MMP3: variants seen among roughly 807,000 people sequenced by gnomAD.
MMP3 encodes stromelysin-1.
Under a neutral mutation model 47.3 loss-of-function variants are expected in MMP3, and 46 were observed. The observed-to-expected ratio is 0.97, with a 90% CI of 0.77 to 1.24. MMP3 has a LOEUF of 1.24. Among genes scored for constraint, MMP3 ranks in the 50% most tolerant of loss-of-function variants. MMP3 has a pLI of 0.00. For synonymous variants in MMP3, 216 were observed against 206.5 expected (o/e 1.05, Z -0.39); for missense variants, 558 against 565.5 (o/e 0.99, Z 0.13).
At chr11:102,841,769 A>C (rs532167506) in intron 4 of MMP3, among the ~76,000 whole-genome samples, 20 of 152,066 alleles carry the variant, frequency 1.3e-4, no homozygotes, top group African/African-American at 4.8e-4. Flanking sequence ...TTCTGGTTTG[A>C]AGAGTAAAGA....
intron 6 of MMP3, 78 bp downstream of exon 6, chr11:102,840,030 T>C (rs1314835675): frequency 7.0e-7 from 1 of 1,429,362 alleles, no homozygotes; most frequent in Non-Finnish European, 9.5e-7. Flanking sequence ...TCTAAGAATC[T>C]CTATCAAGTT....
In MMP3 at chr11:102,842,446, A is replaced by G. The variant is rs1555005667; in HGVS notation, c.484T>C (p.Ser162Pro). 1.3e-6 allele frequency: 2 copies of G among 1,542,156 alleles called. No homozygotes were observed. Among genetic ancestry groups the G allele is most frequent in the Non-Finnish European group, 8.8e-7 (1 of 1,142,174 alleles). ...TTTTTTTTACCTCTAACTGCAAAAGAGATCATTATATCAGCCTCTCCTTCA... is the reference window on the plus strand; with the variant it reads ...TTTTTTTTACCTCTAACTGCAAAAGGGATCATTATATCAGCCTCTCCTTCA... ...LYEGEADIMI[S>P]FAVREHGDFY... The change falls in exon 3 of 10, where the codon TCT (serine) becomes CCT (proline). Residue 162 changes from serine to proline, a missense_variant. Ser to Pro is a moderately conservative substitution (Grantham distance 74). Coordinates refer to ENST00000299855, the MANE Select transcript of MMP3 (RefSeq NM_002422.5).
At chr11:102,843,382 G>T in intron 1 of MMP3, 60 bp downstream of exon 1, 2 of 1,184,468 alleles carry the variant, frequency 1.7e-6, no homozygotes, top group South Asian at 1.3e-5. Flanking sequence ...AAGACACACA[G>T]AATGGTTTCA....
chr11:102,837,441 G>A lies in MMP3; in HGVS notation c.1230-40C>T, dbSNP rs782361026. Reference sequence around the variant, plus strand: ...AGAAACAGCTCAGCATTGCATAGAGGCCATGTTACCGAACATCTTAGATCA... The same window carrying A: ...AGAAACAGCTCAGCATTGCATAGAGACCATGTTACCGAACATCTTAGATCA... On this transcript the variant is annotated intron_variant, in intron 8 of 9. Transcript: ENST00000299855. This position sits in a 1 kb window ranked among gnomAD's most constrained non-coding sequence, Gnocchi z 4.4. 7.0e-7 allele frequency: 1 copy of A among 1,422,980 alleles called. No homozygotes were observed. Among genetic ancestry groups the A allele is most frequent in the Non-Finnish European group, 9.9e-7 (1 of 1,013,480 alleles). 88.1% of individuals were successfully genotyped at this position (1,422,980 alleles called of 1,614,324 possible).
At chr11:102,840,781 A>T (rs1188097658) in intron 4 of MMP3, among the ~76,000 whole-genome samples, 188 bp from the exon 5 acceptor site, 1 of 152,142 alleles carries the variant, frequency 6.6e-6, no homozygotes, top group Non-Finnish European at 1.5e-5. Flanking sequence ...TTTAAAACTC[A>T]TACCTGTAAT....
Position 102,842,272 on chromosome 11 carries a change from T to TC in MMP3, c.506dup (p.Asp170ArgfsTer6). ...CAGGTCCATCAAAAGGGTAAAAGTC[T>TC]CCATGTTCTAGTAGGAAAAAAATTT... On this transcript the variant is annotated frameshift_variant, in exon 4 of 10. Transcript: ENST00000299855. LOFTEE classifies it high-confidence loss of function. 6.2e-7 allele frequency: 1 copy of TC among 1,601,140 alleles called. No homozygotes were observed. The highest frequency in any genetic ancestry group is 1.8e-5 in the Admixed American group (1 of 55,824).
Position 102,836,170 on chromosome 11 carries a change from T to C in MMP3, c.1390A>G (p.Lys464Glu). 6.2e-7 allele frequency: 1 copy of C among 1,614,084 alleles called. No homozygotes were observed. The highest frequency in any genetic ancestry group is 8.5e-7 in the Non-Finnish European group (1 of 1,179,946). ...SQLEFDPNAKKVTHTLKSNSW... is the reference protein window; with the variant it reads ...SQLEFDPNAKEVTHTLKSNSW... Reference sequence around the variant, plus strand: ...TTACTCTTCAAAGTGTGTGTCACTTTCTTTGCATTTGGGTCAAACTCCAAC... The same window carrying C: ...TTACTCTTCAAAGTGTGTGTCACTTCCTTTGCATTTGGGTCAAACTCCAAC... The change falls in exon 10 of 10, where the codon AAA becomes GAA. Residue 464 changes from lysine to glutamate, a missense_variant. Coordinates refer to ENST00000299855, the MANE Select transcript of MMP3 (RefSeq NM_002422.5). The surrounding 1 kb of genome is among the most constrained non-coding windows in gnomAD (Gnocchi z 4.6).
chr11:102,841,438 C>T (rs1000987215), intron 4 of MMP3, among the ~76,000 whole-genome samples: 2 of 152,262 alleles, frequency 1.3e-5, no homozygotes, highest in East Asian at 1.9e-4. Flanking sequence ...CACATTTGTA[C>T]GTCCTACAGA....
At chr11:102,839,556 C>T (rs1381397844) in intron 6 of MMP3, among the ~76,000 whole-genome samples, 2 of 152,196 alleles carry the variant, frequency 1.3e-5, no homozygotes, top group Non-Finnish European at 2.9e-5. Flanking sequence ...GTGCTATACC[C>T]TCTTCCAAAA....
chr11:102,840,218 T>C lies in MMP3; in HGVS notation c.825A>G (p.Val275=), dbSNP rs530481992. The C allele has an allele frequency of 6.2e-7, 1 of 1,614,010 alleles. No individual in the cohort carries two copies. Among genetic ancestry groups the C allele is most frequent in the South Asian group, 1.1e-5 (1 of 91,074 alleles). Residue 275 remains valine (V), a synonymous_variant, in exon 6 of 10, where the codon GTA becomes GTG. Coordinates refer to ENST00000299855, the MANE Select transcript of MMP3 (RefSeq NM_002422.5). ...GTTCTGGAGGGACAGGTTCCGTGGG[T>C]ACCAGGGGGGTCTCAGGGGAGTCAG... ...PPPDSPETPL[V]PTEPVPPEPG...
chr11:102,839,380 A>G (rs1555005098), intron 6 of MMP3, 137 bp from the exon 7 acceptor site: 4 of 983,562 alleles, frequency 4.1e-6, no homozygotes, highest in Non-Finnish European at 6.0e-6. Flanking sequence ...AATCAGGTAT[A>G]TTGCCATTAG....
At position 102,837,338 on chromosome 11, in the gene MMP3, T is replaced by C. The variant is rs782146414; in HGVS notation, c.1293A>G (p.Pro431=). Residue 431 remains proline, a synonymous_variant, in exon 9 of 10, where the codon CCA becomes CCG. Coordinates refer to ENST00000299855, the MANE Select transcript of MMP3 (RefSeq NM_002422.5). This position sits in a 1 kb window ranked among gnomAD's most constrained non-coding sequence, Gnocchi z 4.4. ...GFPKQIAEDF[P]GIDSKIDAVF... ...CAGCATCAATCTTTGAGTCAATCCC[T>C]GGAAAGTCTTCAGCTATTTGCTTGG... 7 of 1,613,404 alleles carry C rather than the reference T, an allele frequency of 4.3e-6. 1 individual carries two copies. In the South Asian group the frequency reaches 6.6e-5, roughly 15 times the overall value.
chr11:102,838,695 G>A lies in MMP3; in HGVS notation c.1085C>T (p.Ala362Val). The change falls in exon 8 of 10, where the codon GCT (alanine) becomes GTT (valine). Residue 362 changes from alanine (A) to valine (V), a missense_variant. Transcript: ENST00000299855. Reference sequence around the variant, plus strand: ...AGCTCGTACCTCATTTCCTCTGATAGCCCAGAATTGATTTCCTGTTAAATA... The same window carrying A: ...AGCTCGTACCTCATTTCCTCTGATAACCCAGAATTGATTTCCTGTTAAATA... ...VFIFKGNQFW[A>V]IRGNEVRAGY... 1 of 1,612,066 alleles carries A rather than the reference G, an allele frequency of 6.2e-7. No individual in the cohort carries two copies. The highest frequency in any genetic ancestry group is 8.5e-7 in the Non-Finnish European group (1 of 1,179,332).
chr11:102,836,654 G>T lies in MMP3; in HGVS notation c.1334-428C>A. On this transcript the variant is annotated intron_variant, in intron 9 of 9. Transcript: ENST00000299855. This position sits in a 1 kb window ranked among gnomAD's most constrained non-coding sequence, Gnocchi z 4.6. ...CCAAAAATCCTCCTCCCTTTTCCCT[G>T]CATTGCAGCCTAGGAAGCACAGCAA... The T allele has an allele frequency of 2.3e-6, 1 of 444,196 alleles. No homozygotes were observed. Among genetic ancestry groups the T allele is most frequent in the South Asian group, 1.7e-5 (1 of 58,344 alleles). The allele number at this position is 444,196 out of a possible 1,614,324, so 27.5% of individuals were successfully genotyped here.
At position 102,842,224 on chromosome 11, in the gene MMP3, A is replaced by G; in HGVS notation, c.555T>C (p.Tyr185=). 6.2e-7 allele frequency: 1 copy of G among 1,612,858 alleles called. No individual in the cohort carries two copies. Among genetic ancestry groups the G allele is most frequent in the Non-Finnish European group, 8.5e-7 (1 of 1,179,484 alleles). Residue 185 remains tyrosine, a synonymous_variant, in exon 4 of 10, where the codon TAT becomes TAC. Coordinates refer to ENST00000299855, the MANE Select transcript of MMP3 (RefSeq NM_002422.5). ...DGPGNVLAHA[Y]APGPGINGDA... ...CTCCATTAATCCCTGGCCCAGGGGC[A>G]TAGGCATGGGCCAAAACATTTCCAG...
At chr11:102,840,866 CATATTA>C (rs1225894979) in intron 4 of MMP3, among the ~76,000 whole-genome samples, 3 of 151,970 alleles carry the variant, frequency 2.0e-5, no homozygotes, top group Admixed American at 6.6e-5. Flanking sequence ...GCCTCACAAG[CATATTA>C]ACTCCAGAAG....
At position 102,837,660 on chromosome 11, in the gene MMP3, G is replaced by A. The variant is rs1455907869; in HGVS notation, c.1230-259C>T. Among the ~76,000 whole-genome samples, 1 of 152,072 alleles carries A rather than the reference G, an allele frequency of 6.6e-6. No individual in the cohort carries two copies. Among genetic ancestry groups the A allele is most frequent in the African/African-American group, 2.4e-5 (1 of 41,412 alleles). Reference sequence around the variant, plus strand: ...TTTGTCATCATATTTCTTAAGCCTGGACAGAAAGAACCTTAATCATCTTTC... The same window carrying A: ...TTTGTCATCATATTTCTTAAGCCTGAACAGAAAGAACCTTAATCATCTTTC... On this transcript the variant is annotated intron_variant, in intron 8 of 9. Transcript: ENST00000299855. The surrounding 1 kb of genome is among the most constrained non-coding windows in gnomAD (Gnocchi z 4.4).
In MMP3 at chr11:102,842,733, C is replaced by A. The variant is rs547601378; in HGVS notation, c.289G>T (p.Val97Phe). 2 of 1,613,976 alleles carry A rather than the reference C, an allele frequency of 1.2e-6. No individual in the cohort carries two copies. The change falls in exon 2 of 10, where the codon GTT (valine) becomes TTT (phenylalanine). Residue 97 changes from valine (V) to phenylalanine (F), a missense_variant. Transcript: ENST00000299855. ...CCAGGAAAGGTTCTGAAGTGACCAA[C>A]ATCAGGAACTCCACACCTGGGCTTG... ...MRKPRCGVPD[V>F]GHFRTFPGIP...
At chr11:102,841,015 G>GT (rs1314696699) in intron 4 of MMP3, among the ~76,000 whole-genome samples, 1 of 152,136 alleles carries the variant, frequency 6.6e-6, no homozygotes, top group Admixed American at 6.5e-5. Flanking sequence ...TGCAGTCTCA[G>GT]TTAAAGGAAA....
Sources: allele counts gnomAD v4.1 joint callset (sites outside exome capture counted in the v4.1 genomes callset), GRCh38; gene constraint gnomAD v4.1.1; non-coding constraint Gnocchi (gnomAD v3.1); transcripts MANE v1.5; gene names NCBI Gene and HGNC (gene_info 2026-07-23, HGNC 2026-07-21).